The following DEPDC5 variants were observed in gnomAD, a reference collection of about 807,000 sequenced individuals.
DEPDC5 encodes DEP domain containing 5, GATOR1 subcomplex subunit.
A neutral mutation model predicts 217.3 loss-of-function variants in DEPDC5; 73 were observed. The observed-to-expected ratio is 0.34, with a 90% CI of 0.28 to 0.41. The LOEUF is 0.41. Ranked by LOEUF, DEPDC5 falls within the 10% of genes least tolerant of loss-of-function variation. DEPDC5 has a pLI of 1.00. For missense variants in DEPDC5, 1,675 were observed against 2,070.1 expected (o/e 0.81, Z 3.70); for synonymous variants, 733 against 756.7 (o/e 0.97, Z 0.51).
chr22:31,892,728 C>G (rs2093464793), intron 38 of DEPDC5, among the ~76,000 whole-genome samples: 1 of 151,810 alleles, frequency 6.6e-6, no homozygotes, highest in African/African-American at 2.4e-5. Flanking sequence ...TTGACCTCCA[C>G]CCCCACAACC....
intron 33 of DEPDC5, among the ~76,000 whole-genome samples, chr22:31,866,716 C>T (rs1371510924): frequency 1.3e-5 from 2 of 152,188 alleles, no homozygotes; most frequent in African/African-American, 2.4e-5. Flanking sequence ...CCTTCACAGC[C>T]TTGAGGAGTC....
At chr22:31,804,037 G>A in intron 15 of DEPDC5, 125 bp from the exon 16 acceptor site, 2 of 851,802 alleles carry the variant, frequency 2.3e-6, no homozygotes, top group Admixed American at 2.2e-5. Flanking sequence ...GCACTATGAG[G>A]TTATAAATCA....
At chr22:31,844,023 C>T (rs180691325) in intron 29 of DEPDC5, among the ~76,000 whole-genome samples, 14 of 151,804 alleles carry the variant, frequency 9.2e-5, no homozygotes, top group Admixed American at 7.2e-4. Context: ...GTCAGGAGTT[C>T]GAGACCAGCC....
chr22:31,755,168 A>G, intron 2 of DEPDC5, 189 bp downstream of exon 2: 3 of 555,780 alleles, frequency 5.4e-6, no homozygotes, highest in Admixed American at 3.6e-5. Flanking sequence ...TTGCATTCAG[A>G]CTTTTAAGGA....
chr22:31,901,908 T>G, intron 41 of DEPDC5, 106 bp downstream of exon 41: 5 of 1,046,778 alleles, frequency 4.8e-6, no homozygotes, highest in Non-Finnish European at 7.2e-6. Context: ...GAAAGGGATG[T>G]ATTCCACCAA....
intron 15 of DEPDC5, among the ~76,000 whole-genome samples, chr22:31,803,728 GCAGAGCAAGA>G (rs1324106259): frequency 6.6e-6 from 1 of 151,816 alleles, no homozygotes; most frequent in Non-Finnish European, 1.5e-5. Context: ...AGCCTGGGCA[GCAGAGCAAGA>G]CTGTCAAAAA....
intron 12 of DEPDC5, 71 bp downstream of exon 12, chr22:31,792,888 C>T (rs1292949030): frequency 2.3e-6 from 3 of 1,320,640 alleles, no homozygotes; most frequent in Non-Finnish European, 3.0e-6. Flanking sequence ...AAAAATAAGT[C>T]AGCCTGGGCA....
rs752198928 is a variant in DEPDC5, at chr22:31,843,169, A to G, written c.2590A>G (p.Thr864Ala). 3 of 1,614,218 alleles carry G rather than the reference A, an allele frequency of 1.9e-6. No individual in the cohort carries two copies. Among genetic ancestry groups the G allele is most frequent in the Non-Finnish European group, 1.7e-6 (2 of 1,180,042 alleles). ...LSMGRTFHKV[T>A]LKDKMITVTR... Reference sequence around the variant, plus strand: ...TATGGGCAGAACGTTCCACAAAGTGACGCTGAAGGATAAGATGATCACAGT... The same window carrying G: ...TATGGGCAGAACGTTCCACAAAGTGGCGCTGAAGGATAAGATGATCACAGT... Residue 864 changes from threonine (T) to alanine (A), a missense_variant, in exon 28 of 43, where the codon ACG (threonine) becomes GCG (alanine). By Grantham distance (58) the Thr-to-Ala change is moderately conservative. Transcript: ENST00000651528.
intron 26 of DEPDC5, chr22:31,837,431 G>A: frequency 2.2e-6 from 1 of 453,138 alleles, no homozygotes; most frequent in Non-Finnish European, 3.9e-6. Flanking sequence ...ACTCACTGCA[G>A]CCTCTACCTC....
At chr22:31,807,231 G>C (rs1161387336) in intron 18 of DEPDC5, among the ~76,000 whole-genome samples, 1 of 152,168 alleles carries the variant, frequency 6.6e-6, no homozygotes, top group Non-Finnish European at 1.5e-5. Flanking sequence ...TTTGAACCAG[G>C]CACTTCCATT....
In DEPDC5 at chr22:31,845,151, G is replaced by A. The variant is rs2091651367; in HGVS notation, c.2935G>A (p.Glu979Lys). 3.1e-6 allele frequency: 5 copies of A among 1,614,180 alleles called. No individual in the cohort carries two copies. The highest frequency in any genetic ancestry group is 4.2e-6 in the Non-Finnish European group (5 of 1,180,024). ...GGACAGGCCCCGTGCAGACGAGGAC[G>A]AGTGGCAACTCCTGGATGGTTTTGT... The part of the protein sequence containing the change: ...YGDRPRADED[E>K]WQLLDGFVRF... Residue 979 changes from glutamate to lysine, a missense_variant, in exon 30 of 43, where the codon GAG (glutamate) becomes AAG (lysine). This residue lies in a region of DEPDC5 where 293 missense variants were observed against 386.1 expected (regional missense o/e 0.76). Coordinates refer to ENST00000651528, the MANE Select transcript of DEPDC5 (RefSeq NM_001242896.3).
chr22:31,765,137 T>C, intron 5 of DEPDC5, 77 bp downstream of exon 5: 2 of 1,170,468 alleles, frequency 1.7e-6, no homozygotes, highest in Non-Finnish European at 2.6e-6. Flanking sequence ...AAGGAAACAA[T>C]GGGTTACTTA....
intron 6 of DEPDC5, among the ~76,000 whole-genome samples, chr22:31,768,565 G>C (rs1304283244): frequency 6.6e-6 from 1 of 152,092 alleles, no homozygotes; most frequent in Non-Finnish European, 1.5e-5. Context: ...TCATCCACCT[G>C]GTCTTTGCTA....
At chr22:31,874,682 T>A (rs1161153613) in intron 36 of DEPDC5, among the ~76,000 whole-genome samples, 1 of 152,164 alleles carries the variant, frequency 6.6e-6, no homozygotes, top group African/African-American at 2.4e-5. Context: ...ATCTCTATGA[T>A]TTTTGGGGGA....
chr22:31,756,479 T>C (rs552281069), intron 2 of DEPDC5, among the ~76,000 whole-genome samples: 21 of 152,296 alleles, frequency 1.4e-4, no homozygotes, highest in Non-Finnish European at 7.4e-5. Context: ...GCCTAAATAT[T>C]TGTGGAGTGG....
At chr22:31,771,686 C>G (rs1172058285) in intron 7 of DEPDC5, among the ~76,000 whole-genome samples, 1 of 149,234 alleles carries the variant, frequency 6.7e-6, no homozygotes, top group Non-Finnish European at 1.5e-5. Context: ...CACCACTGCA[C>G]TCTAGCCTGG....
chr22:31,850,961 G>A (rs891927444), intron 31 of DEPDC5, among the ~76,000 whole-genome samples: 4 of 152,052 alleles, frequency 2.6e-5, no homozygotes, highest in East Asian at 3.9e-4. Flanking sequence ...CCAGCTACGC[G>A]GGAGGCTGAG....
chr22:31,883,722 C>G (rs1435200468), intron 38 of DEPDC5, among the ~76,000 whole-genome samples: 1 of 152,142 alleles, frequency 6.6e-6, no homozygotes, highest in East Asian at 1.9e-4. Context: ...ACTGCCTGGC[C>G]CTGAAGCCTG....
intron 24 of DEPDC5, chr22:31,823,069 A>G (rs1263613849): frequency 1.3e-5 from 5 of 386,004 alleles, no homozygotes; most frequent in Admixed American, 7.3e-5. Flanking sequence ...ATTGAGGGCA[A>G]CACCATGGAC....
Sources: gnomAD v4.1 joint callset for allele counts (sites outside exome capture counted in the v4.1 genomes callset) on GRCh38, gnomAD v4.1.1 for gene constraint, gnomAD v4.1.1 regional missense constraint, MANE v1.5 for transcripts, NCBI Gene and HGNC (gene_info 2026-07-23, HGNC 2026-07-21) for gene names.